Variants in PLEKHM3 observed in about 807,000 individuals in gnomAD.
PLEKHM3 encodes the protein pleckstrin homology domain-containing family M member 3.
In PLEKHM3, 45 loss-of-function variants were observed where a neutral mutation model predicts 81.8. The observed-to-expected ratio is 0.55, with a 90% CI of 0.43 to 0.71. The LOEUF is 0.71. PLEKHM3 is among the 30% of genes least tolerant of loss of function. The pLI is 0.00. For synonymous variants in PLEKHM3, 352 were observed against 356.4 expected, an observed-to-expected ratio of 0.99 and a Z score of 0.14; for missense variants, 788 against 924.3, an observed-to-expected ratio of 0.85 and a Z score of 1.91.
At chr2:207,948,583 A>C (rs1690222546) in intron 3 of PLEKHM3, among the ~76,000 whole-genome samples, 1 of 135,888 alleles carries the variant, frequency 7.4e-6, no homozygotes, top group African/African-American at 2.8e-5. Flanking sequence ...TTGCTCTGTC[A>C]CCCAGGCTGG....
At chr2:207,946,991 C>T (rs953046409) in intron 3 of PLEKHM3, among the ~76,000 whole-genome samples, 4 of 152,124 alleles carry the variant, frequency 2.6e-5, no homozygotes, top group African/African-American at 9.7e-5. Context: ...TGTCTGAGTT[C>T]ACCCAGTCAA....
chr2:207,975,684 C>T (rs1368365811), intron 3 of PLEKHM3, among the ~76,000 whole-genome samples: 1 of 145,402 alleles, frequency 6.9e-6, no homozygotes, highest in African/African-American at 2.6e-5. Context: ...GCAACCTCTG[C>T]CTCCTGGGTT....
chr2:208,021,032 T>C (rs1693114663), intron 1 of PLEKHM3, among the ~76,000 whole-genome samples: 1 of 152,254 alleles, frequency 6.6e-6, no homozygotes, highest in African/African-American at 2.4e-5. Context: ...CCTGTCTATC[T>C]GCCTACTTTT....
At chr2:207,918,659 T>C in intron 5 of PLEKHM3, among the ~76,000 whole-genome samples, 1 of 152,256 alleles carries the variant, frequency 6.6e-6, no homozygotes, top group East Asian at 1.9e-4. Flanking sequence ...GGCTTTCTTA[T>C]TTTTGTTTTC....
At chr2:207,841,480 A>AATATATATATATATATATATATAT (rs769138417) in intron 7 of PLEKHM3, among the ~76,000 whole-genome samples, 4 of 37,424 alleles carry the variant, frequency 1.1e-4, no homozygotes, top group African/African-American at 3.7e-4. Flanking sequence ...AAAAAAAAAA[A>AATATATATATATATATATATATAT]ATATATATAT....
At chr2:208,015,212 AC>A (rs1297961531) in intron 1 of PLEKHM3, among the ~76,000 whole-genome samples, 33 of 152,340 alleles carry the variant, frequency 2.2e-4, no homozygotes, top group African/African-American at 7.7e-4. Context: ...AGATGAAGTT[AC>A]TTATCTAGGG....
At chr2:208,023,345 T>G (rs1344909263) in intron 1 of PLEKHM3, among the ~76,000 whole-genome samples, 1 of 152,038 alleles carries the variant, frequency 6.6e-6, no homozygotes, top group South Asian at 2.1e-4. Context: ...TTCAGTATTG[T>G]TAAGTACATT....
intron 1 of PLEKHM3, among the ~76,000 whole-genome samples, chr2:208,008,598 A>G (rs916738081): frequency 6.6e-6 from 1 of 151,770 alleles, no homozygotes; most frequent in Non-Finnish European, 1.5e-5. Context: ...ACCCCACTCA[A>G]TTGAACTTCT....
chr2:207,894,539 G>A (rs1346788103), intron 6 of PLEKHM3, among the ~76,000 whole-genome samples: 1 of 135,510 alleles, frequency 7.4e-6, no homozygotes, highest in Non-Finnish European at 1.6e-5. Context: ...GGAAAGACAT[G>A]GTAGAGTTTC....
intron 6 of PLEKHM3, among the ~76,000 whole-genome samples, chr2:207,861,883 TA>T (rs2092469519): frequency 6.6e-6 from 1 of 152,184 alleles, no homozygotes; most frequent in East Asian, 1.9e-4. Flanking sequence ...AAATTTCACA[TA>T]AAAACCCAGA....
intron 7 of PLEKHM3, among the ~76,000 whole-genome samples, chr2:207,853,713 G>A (rs758261833): frequency 7.2e-5 from 11 of 152,066 alleles, no homozygotes; most frequent in Non-Finnish European, 1.0e-4. Flanking sequence ...CAGCCTTGGC[G>A]ACCTAGCAAG....
chr2:208,022,178 C>A (rs1036781955), intron 1 of PLEKHM3, among the ~76,000 whole-genome samples: 2 of 152,194 alleles, frequency 1.3e-5, no homozygotes, highest in Admixed American at 1.3e-4. Context: ...GTCTGCTGCA[C>A]TGCACACTAA....
rs2092560252 is a variant in PLEKHM3, at chr2:207,876,427, C to T, written c.1951-15165G>A. 1.3e-5 allele frequency among the ~76,000 whole-genome samples: 2 copies of T among 151,944 alleles called. 1 individual carries two copies. Among genetic ancestry groups the T allele is most frequent in the South Asian group, 4.2e-4 (2 of 4,810 alleles). On this transcript the variant is annotated intron_variant, in intron 6 of 7. Transcript: ENST00000427836. ...TAGATGACCTGTGTTTTCACTTGTC[C>T]CTAATAATATGTTTATTTTCACAAA...
chr2:207,991,274 T>C (rs1471007448), intron 2 of PLEKHM3, among the ~76,000 whole-genome samples: 4 of 152,208 alleles, frequency 2.6e-5, no homozygotes, highest in African/African-American at 9.7e-5. Context: ...GGCTGCTGGA[T>C]TTTAGGCATA....
At chr2:207,986,497 T>A (rs1488513268) in intron 2 of PLEKHM3, among the ~76,000 whole-genome samples, 1 of 152,168 alleles carries the variant, frequency 6.6e-6, no homozygotes, top group Non-Finnish European at 1.5e-5. Flanking sequence ...AACTGTTATA[T>A]AGGCTCAAAG....
chr2:207,837,514 T>A (rs1341643822), intron 7 of PLEKHM3, among the ~76,000 whole-genome samples: 1 of 151,818 alleles, frequency 6.6e-6, no homozygotes, highest in African/African-American at 2.4e-5. Flanking sequence ...GCAGGAGAAT[T>A]GCTTGAACCT....
At chr2:207,999,474 G>A (rs1692224950) in intron 2 of PLEKHM3, among the ~76,000 whole-genome samples, 1 of 151,876 alleles carries the variant, frequency 6.6e-6, no homozygotes, top group Admixed American at 6.6e-5. Context: ...AAATTAGCCG[G>A]GCCTGCCTGT....
intron 2 of PLEKHM3, among the ~76,000 whole-genome samples, chr2:207,995,403 C>T (rs937951244): frequency 6.6e-6 from 1 of 152,158 alleles, no homozygotes; most frequent in East Asian, 1.9e-4. Flanking sequence ...ACCAACTACC[C>T]CCATAGAGAT....
intron 1 of PLEKHM3, among the ~76,000 whole-genome samples, chr2:208,015,978 G>C (rs1157754830): frequency 6.6e-6 from 1 of 152,152 alleles, no homozygotes; most frequent in South Asian, 2.1e-4. Flanking sequence ...TGGATCACCT[G>C]AGGTGAGGAG....
Sources: allele counts gnomAD v4.1 joint callset (sites outside exome capture counted in the v4.1 genomes callset), GRCh38; gene constraint gnomAD v4.1.1; transcripts MANE v1.5; gene names NCBI Gene and HGNC (gene_info 2026-07-23, HGNC 2026-07-21).